The following TBCD variants were observed in gnomAD, a reference collection of about 807,000 sequenced individuals.
TBCD encodes the protein tubulin folding cofactor D.
A neutral mutation model predicts 169.3 loss-of-function variants in TBCD; 105 were observed. The ratio of observed to expected loss-of-function variants is 0.62; its 90% CI spans 0.53 to 0.73. The LOEUF (loss-of-function observed/expected upper bound fraction) is 0.73, where lower values mean the gene tolerates loss of function less well. TBCD is among the 30% of genes least tolerant of loss of function. TBCD has a pLI of 0.00. For synonymous variants in TBCD, 700 were observed against 643.9 expected, an observed-to-expected ratio of 1.09 and a Z score of -1.32; for missense variants, 1,444 against 1,600.1, an observed-to-expected ratio of 0.90 and a Z score of 1.66.
intron 26 of TBCD, among the ~76,000 whole-genome samples, chr17:82,924,453 A>T (rs967697279): frequency 6.6e-6 from 1 of 152,168 alleles, no homozygotes; most frequent in Non-Finnish European, 1.5e-5. Context: ...CTCGCACATC[A>T]TGTTCGAGGG....
At chr17:82,855,123 C>A (rs932131678) in intron 13 of TBCD, among the ~76,000 whole-genome samples, 2 of 152,144 alleles carry the variant, frequency 1.3e-5, no homozygotes, top group African/African-American at 2.4e-5. Context: ...CCCTCTTCGC[C>A]CCATATGGGC....
At position 82,831,476 on chromosome 17, in the gene TBCD, C is replaced by G. The variant is rs1234068318; in HGVS notation, c.1318+16542C>G. On this transcript the variant is annotated intron_variant, in intron 13 of 38. Transcript: ENST00000355528. This position sits in a 1 kb window ranked among gnomAD's most constrained non-coding sequence, Gnocchi z 4.6. ...AGTCTGAGACCATAGGAGGAAAATGCAGACTCTGGCCTGTAAAATCCGTAA... is the reference window on the plus strand; with the variant it reads ...AGTCTGAGACCATAGGAGGAAAATGGAGACTCTGGCCTGTAAAATCCGTAA... The G allele has an allele frequency of 6.2e-7, 1 of 1,614,126 alleles. No individual in the cohort carries two copies. Among genetic ancestry groups the G allele is most frequent in the East Asian group, 2.2e-5 (1 of 44,880 alleles).
At chr17:82,792,196 G>A (rs1260028250) in intron 7 of TBCD, among the ~76,000 whole-genome samples, 7 of 151,796 alleles carry the variant, frequency 4.6e-5, no homozygotes, top group South Asian at 2.1e-4. Flanking sequence ...TAGTCCCAGC[G>A]ACTCGGGAAG....
rs987357213 is a variant in TBCD, at chr17:82,831,472, A to G, written c.1318+16538A>G. The G allele has an allele frequency of 1.2e-6, 2 of 1,613,978 alleles. No homozygotes were observed. Among genetic ancestry groups the G allele is most frequent in the African/African-American group, 2.7e-5 (2 of 74,878 alleles). On this transcript the variant is annotated intron_variant, in intron 13 of 38. Transcript: ENST00000355528. This position sits in a 1 kb window ranked among gnomAD's most constrained non-coding sequence, Gnocchi z 4.6. ...TGGGAGTCTGAGACCATAGGAGGAA[A>G]ATGCAGACTCTGGCCTGTAAAATCC...
intron 2 of TBCD, among the ~76,000 whole-genome samples, chr17:82,762,412 T>C (rs749554912): frequency 1.2e-3 from 185 of 151,794 alleles, no homozygotes; most frequent in Admixed American, 2.4e-3. Context: ...AAAATACGCA[T>C]GTGTGGAATT....
rs139911568 is a variant in TBCD at position 82,915,113 on chromosome 17, G to T, written c.2038+3324G>T. Among the ~76,000 whole-genome samples the T allele has an allele frequency of 3.9e-5, 6 of 152,066 alleles. No individual in the cohort carries two copies. Among genetic ancestry groups the T allele is most frequent in the African/African-American group, 1.4e-4 (6 of 41,402 alleles). ...GCTCTTGTCGGGGTGAGAAATCTGC[G>T]GGTTCACGGGCTACATGTGGGAGAC... On this transcript the variant is annotated intron_variant, in intron 23 of 38. Coordinates refer to ENST00000355528, the MANE Select transcript of TBCD (RefSeq NM_005993.5). The surrounding 1 kb of genome is among the most constrained non-coding windows in gnomAD (Gnocchi z 4.3).
chr17:82,843,280 T>TTCCCCC (rs2054687790), intron 13 of TBCD, among the ~76,000 whole-genome samples: 1 of 139,518 alleles, frequency 7.2e-6, no homozygotes, highest in East Asian at 2.2e-4. Flanking sequence ...TTCCCTTCCC[T>TTCCCCC]TCCCCTCCCT....
At chr17:82,906,184 C>T (rs1041874166) in intron 20 of TBCD, 131 bp downstream of exon 20, 7 of 700,280 alleles carry the variant, frequency 1.0e-5, no homozygotes, top group East Asian at 2.9e-5. Flanking sequence ...GTGTCACAGT[C>T]GATAGGCCCC....
rs372010263 is a variant in TBCD at position 82,938,044 on chromosome 17, G to A, written c.3282-5G>A. On this transcript the variant is annotated splice_polypyrimidine_tract_variant and splice_region_variant and intron_variant, in intron 35 of 38. Transcript: ENST00000355528. ...TCACCTGGAGCCATGTGCTGCTCCC[G>A]GCAGGTTCTGCGAGATGGTGCAGTT... The A allele has an allele frequency of 1.0e-3, 1,693 of 1,612,930 alleles. 18 individuals are homozygous for A. Among genetic ancestry groups the A allele is most frequent in the South Asian group, 7.8e-3 (710 of 91,060 alleles).
At position 82,789,584 on chromosome 17, in the gene TBCD, G is replaced by C. The variant is rs2049555049; in HGVS notation, c.771+7863G>C. Among the ~76,000 whole-genome samples the C allele has an allele frequency of 6.6e-6, 1 of 152,164 alleles. No individual in the cohort carries two copies. Among genetic ancestry groups the C allele is most frequent in the Non-Finnish European group, 1.5e-5 (1 of 68,012 alleles). On this transcript the variant is annotated intron_variant, in intron 7 of 38. Transcript: ENST00000355528. This position sits in a 1 kb window ranked among gnomAD's most constrained non-coding sequence, Gnocchi z 4.8. ...CTGTGGCCCCTGTGCAGGTTGGGGT[G>C]CCCCTGCCCTCTCCCCTGCCCCGCC... is the stretch of plus-strand genomic sequence containing the variant.
chr17:82,754,841 G>A (rs1262009221), intron 1 of TBCD, among the ~76,000 whole-genome samples: 1 of 152,230 alleles, frequency 6.6e-6, no homozygotes, highest in Non-Finnish European at 1.5e-5. Context: ...AGGAGAAAGC[G>A]GTGGTTCAGG....
intron 14 of TBCD, among the ~76,000 whole-genome samples, chr17:82,881,880 G>A (rs1350448430): frequency 6.6e-6 from 1 of 151,906 alleles, no homozygotes; most frequent in Admixed American, 6.6e-5. Context: ...CACACTCTAG[G>A]GGTCCTTTCT....
At chr17:82,822,942 G>A (rs1415980884) in intron 13 of TBCD, among the ~76,000 whole-genome samples, 1 of 152,194 alleles carries the variant, frequency 6.6e-6, no homozygotes, top group Non-Finnish European at 1.5e-5. Flanking sequence ...TCACTGGCAT[G>A]GGGAGGTGGA....
At chr17:82,805,806 ATGAC>A in intron 9 of TBCD, 65 bp from the exon 10 acceptor site, 1 of 1,537,160 alleles carries the variant, frequency 6.5e-7, no homozygotes, top group Non-Finnish European at 8.9e-7. Context: ...GTGACACTGA[ATGAC>A]TGGTTCCAGT....
chr17:82,865,290 G>C (rs560025972), intron 13 of TBCD, among the ~76,000 whole-genome samples: 1 of 152,226 alleles, frequency 6.6e-6, no homozygotes, highest in East Asian at 1.9e-4. Flanking sequence ...GTGCTGAAGG[G>C]AGGGTCTGCA....
rs551423661 is a variant in TBCD, at chr17:82,868,990, T to TGC, written c.1319-1232_1319-1231dup. 2.4e-3 allele frequency among the ~76,000 whole-genome samples: 362 copies of TGC among 152,036 alleles called. 1 individual carries two copies. Among genetic ancestry groups the TGC allele is most frequent in the African/African-American group, 8.3e-3 (341 of 41,294 alleles). ...GAGCCCCGAACGAGACCCTGGCGTGTGCGTGGAGCGGGTCGTGTGCAGAGC... is the reference window on the plus strand; with the variant it reads ...GAGCCCCGAACGAGACCCTGGCGTGTGCGCGTGGAGCGGGTCGTGTGCAGAGC... On this transcript the variant is annotated intron_variant, in intron 13 of 38. Coordinates refer to ENST00000355528, the MANE Select transcript of TBCD (RefSeq NM_005993.5).
chr17:82,907,096 C>T (rs1038574943), intron 20 of TBCD, among the ~76,000 whole-genome samples: 2 of 152,240 alleles, frequency 1.3e-5, no homozygotes, highest in African/African-American at 2.4e-5. Context: ...CCGCCTGGCA[C>T]GAAACAAAAT....
intron 17 of TBCD, among the ~76,000 whole-genome samples, chr17:82,896,844 G>A (rs1048096545): frequency 2.0e-5 from 3 of 152,034 alleles, no homozygotes; most frequent in African/African-American, 4.8e-5. Flanking sequence ...CTCGGGGTCC[G>A]GGATCTGGGG....
intron 34 of TBCD, among the ~76,000 whole-genome samples, chr17:82,935,947 T>A (rs976369012): frequency 1.1e-4 from 17 of 152,248 alleles, no homozygotes; most frequent in Non-Finnish European, 2.9e-5. Context: ...TGCAGATTAT[T>A]TTCAGAGGGT....
Sources: allele counts gnomAD v4.1 joint callset (sites outside exome capture counted in the v4.1 genomes callset), GRCh38; gene constraint gnomAD v4.1.1; non-coding constraint Gnocchi (gnomAD v3.1); transcripts MANE v1.5; gene names NCBI Gene and HGNC (gene_info 2026-07-23, HGNC 2026-07-21).